OSBPL10: variants seen among roughly 807,000 people sequenced by gnomAD.
OSBPL10 encodes the protein oxysterol binding protein like 10.
In OSBPL10, 49 loss-of-function variants were observed where a neutral mutation model predicts 81.7. That is an observed-to-expected ratio of 0.60 (90% confidence interval 0.48 to 0.76). The LOEUF is 0.76. Ranked by LOEUF, OSBPL10 falls within the 30% of genes least tolerant of loss-of-function variation. OSBPL10 has a pLI of 0.00. For missense variants in OSBPL10, 923 were observed against 987.8 expected, an observed-to-expected ratio of 0.93 and a Z score of 0.88; for synonymous variants, 419 against 383.6, an observed-to-expected ratio of 1.09 and a Z score of -1.08.
At chr3:31,882,669 GCA>G (rs138240925) in intron 1 of OSBPL10, among the ~76,000 whole-genome samples, 36 of 150,274 alleles carry the variant, frequency 2.4e-4, no homozygotes, top group Admixed American at 8.0e-4. Context: ...GTGCACACAC[GCA>G]CACACACACA....
chr3:31,712,146 G>C (rs1198193654), intron 6 of OSBPL10, among the ~76,000 whole-genome samples: 1 of 152,172 alleles, frequency 6.6e-6, no homozygotes, highest in Admixed American at 6.5e-5. Flanking sequence ...CTTATAATAG[G>C]ACTCATTCCC....
intron 2 of OSBPL10, among the ~76,000 whole-genome samples, chr3:32,040,754 T>C (rs1699567260): frequency 6.6e-6 from 1 of 152,130 alleles, no homozygotes; most frequent in Non-Finnish European, 1.5e-5. Context: ...GGAAGATTGC[T>C]TGAGCCCAGG....
chr3:32,076,509 C>T (rs1699878942), intron 1 of OSBPL10, among the ~76,000 whole-genome samples: 1 of 152,270 alleles, frequency 6.6e-6, no homozygotes, highest in African/African-American at 2.4e-5. Context: ...GTGACACAAC[C>T]TTAAGGCATC....
chr3:31,866,030 A>G (rs1469038547), intron 3 of OSBPL10, among the ~76,000 whole-genome samples: 2 of 152,186 alleles, frequency 1.3e-5, no homozygotes, highest in African/African-American at 4.8e-5. Flanking sequence ...GTTGTGTTGC[A>G]TCCTAACCAA....
intron 1 of OSBPL10, among the ~76,000 whole-genome samples, chr3:32,049,822 GC>G (rs1575092540): frequency 1.3e-5 from 2 of 152,186 alleles, no homozygotes; most frequent in Admixed American, 1.3e-4. Flanking sequence ...TGATCAGCAA[GC>G]AGCTGCCTGA....
chr3:31,825,116 G>C (rs72850511), intron 4 of OSBPL10, among the ~76,000 whole-genome samples: 3,544 of 152,226 alleles, frequency 0.023, 142 homozygotes, highest in African/African-American at 0.08. Context: ...CCTATGGACA[G>C]TGGGGAATCA....
At chr3:31,755,730 T>C (rs1046105051) in intron 4 of OSBPL10, among the ~76,000 whole-genome samples, 1 of 152,216 alleles carries the variant, frequency 6.6e-6, no homozygotes, top group Non-Finnish European at 1.5e-5. Context: ...AAGCTTTTTC[T>C]GGTCCTTCCA....
chr3:31,729,886 T>TCCAA (rs1277012288), intron 6 of OSBPL10, among the ~76,000 whole-genome samples: 7 of 152,004 alleles, frequency 4.6e-5, no homozygotes, highest in Non-Finnish European at 1.0e-4. Context: ...CTCTAAACAC[T>TCCAA]CCAACCTCCA....
intron 2 of OSBPL10, among the ~76,000 whole-genome samples, chr3:32,001,933 T>C (rs912428578): frequency 5.3e-5 from 8 of 152,336 alleles, no homozygotes; most frequent in African/African-American, 7.2e-5. Flanking sequence ...GAGATTATTA[T>C]GCTTAATAAA....
intron 2 of OSBPL10, among the ~76,000 whole-genome samples, chr3:32,021,719 A>G (rs1249730801): frequency 2.0e-5 from 3 of 152,178 alleles, no homozygotes; most frequent in Non-Finnish European, 1.5e-5. Context: ...CACACCTGTA[A>G]TTCTAGCATT....
intron 4 of OSBPL10, among the ~76,000 whole-genome samples, chr3:31,801,759 T>C (rs1253857871): frequency 6.6e-6 from 1 of 152,178 alleles, no homozygotes; most frequent in African/African-American, 2.4e-5. Flanking sequence ...TCTTATGCCA[T>C]GAGGTTATGG....
intron 2 of OSBPL10, among the ~76,000 whole-genome samples, chr3:32,016,590 T>C (rs992262615): frequency 2.6e-5 from 4 of 152,204 alleles, no homozygotes; most frequent in African/African-American, 7.2e-5. Context: ...AAACTTAAAG[T>C]ATAATTTAGA....
intron 1 of OSBPL10, among the ~76,000 whole-genome samples, chr3:31,897,418 A>C (rs1696087780): frequency 6.6e-6 from 1 of 152,214 alleles, no homozygotes; most frequent in African/African-American, 2.4e-5. Context: ...AAGTGTTAAC[A>C]TCCTTCCACA....
At chr3:31,730,536 C>G (rs989717849) in intron 6 of OSBPL10, among the ~76,000 whole-genome samples, 1 of 152,034 alleles carries the variant, frequency 6.6e-6, no homozygotes, top group Non-Finnish European at 1.5e-5. Flanking sequence ...ATAGGTAAAA[C>G]CAAGATCCTA....
intron 1 of OSBPL10, among the ~76,000 whole-genome samples, chr3:31,911,508 A>T (rs958988524): frequency 6.6e-6 from 1 of 152,078 alleles, no homozygotes; most frequent in African/African-American, 2.4e-5. Flanking sequence ...TCCCTCTACA[A>T]CAGGGGTGTC....
At chr3:32,025,011 G>C (rs1226420173) in intron 2 of OSBPL10, among the ~76,000 whole-genome samples, 2 of 152,024 alleles carry the variant, frequency 1.3e-5, no homozygotes, top group Non-Finnish European at 2.9e-5. Context: ...CATTATACTG[G>C]CTAGAACCTC....
intron 4 of OSBPL10, among the ~76,000 whole-genome samples, chr3:31,790,553 A>T (rs1051365978): frequency 6.6e-6 from 1 of 152,230 alleles, no homozygotes; most frequent in African/African-American, 2.4e-5. Context: ...GGGGAAAAAG[A>T]TGAAGGGCAA....
intron 1 of OSBPL10, among the ~76,000 whole-genome samples, chr3:31,979,556 T>C (rs758575509): frequency 1.3e-5 from 2 of 152,092 alleles, no homozygotes; most frequent in African/African-American, 4.8e-5. Context: ...ATAATTCAAA[T>C]CTCACAAACA....
intron 4 of OSBPL10, among the ~76,000 whole-genome samples, chr3:31,774,206 C>T (rs1225775387): frequency 6.6e-6 from 1 of 151,136 alleles, no homozygotes; most frequent in Non-Finnish European, 1.5e-5. Flanking sequence ...ACAGATGATG[C>T]TTTTCAGGAG....
Sources: allele counts gnomAD v4.1 joint callset (sites outside exome capture counted in the v4.1 genomes callset), GRCh38; gene constraint gnomAD v4.1.1; transcripts MANE v1.5; gene names NCBI Gene and HGNC (gene_info 2026-07-23, HGNC 2026-07-21).